LYST: variants seen among roughly 807,000 people sequenced by gnomAD.
LYST encodes lysosomal trafficking regulator.
LYST carries 192 observed loss-of-function variants against 413.6 expected under a neutral mutation model. The observed-to-expected ratio is 0.46, with a 90% CI of 0.41 to 0.52. The LOEUF is 0.52. Among genes scored for constraint, LYST ranks in the 20% least tolerant of loss-of-function variants. The pLI, the probability that LYST is intolerant of heterozygous loss-of-function variation, is 0.00. For missense variants in LYST, 3,815 were observed against 4,499.9 expected (o/e 0.85, Z 4.35); for synonymous variants, 1,525 against 1,567.3 (o/e 0.97, Z 0.64).
rs767819421 is a variant in LYST, at chr1:235,810,379, G to A, written c.439C>T (p.Arg147Cys). The change falls in exon 5 of 53, where the codon CGT becomes TGT. Residue 147 changes from arginine to cysteine, a missense_variant. Transcript: ENST00000389793. ...VNVFRKSRRQ[R>C]KITHRYSVRD... ...ACAGAATAGCGATGGGTAATTTTAC[G>A]CTGTCGTCTGCTTTTTCGAAAAACA... is the stretch of plus-strand genomic sequence containing the variant. 9 of 1,612,954 alleles carry A rather than the reference G, an allele frequency of 5.6e-6. No individual in the cohort carries two copies. Among genetic ancestry groups the A allele is most frequent in the African/African-American group, 2.7e-5 (2 of 74,782 alleles).
chr1:235,759,511 T>C lies in LYST; in HGVS notation c.6342A>G (p.Leu2114=), dbSNP rs1469732120. Reference sequence around the variant, plus strand: ...CAGTCAGTTTTTGTGATTGCGTTAGTAGTGAAGAAGTAGGGAATGCTGGTA... The same window carrying C: ...CAGTCAGTTTTTGTGATTGCGTTAGCAGTGAAGAAGTAGGGAATGCTGGTA... ...RSLPAFPTSS[L]LTQSQKLTGS... is the part of the protein sequence containing the mutation. Residue 2114 remains leucine, a synonymous_variant, in exon 23 of 53, where the codon CTA becomes CTG. Transcript: ENST00000389793. The C allele has an allele frequency of 1.9e-6, 3 of 1,613,980 alleles. No homozygotes were observed. Among genetic ancestry groups the C allele is most frequent in the South Asian group, 2.2e-5 (2 of 91,074 alleles).
Position 235,809,835 on chromosome 1 carries a change from A to G in LYST, c.983T>C (p.Phe328Ser). 1 of 1,613,992 alleles carries G rather than the reference A, an allele frequency of 6.2e-7. No homozygotes were observed. The highest frequency in any genetic ancestry group is 8.5e-7 in the Non-Finnish European group (1 of 1,179,984). Residue 328 changes from phenylalanine (F) to serine (S), a missense_variant, in exon 5 of 53, where the codon TTT becomes TCT. Phe to Ser is a radical substitution (Grantham distance 155). This residue lies in a region of LYST where 1,648 missense variants were observed against 1,810.3 expected (regional missense o/e 0.91). Transcript: ENST00000389793. The surrounding 1 kb of genome is among the most constrained non-coding windows in gnomAD (Gnocchi z 4.0). ...TGACAGAAGATGCAACACTGTTCGA[A>G]AGAGCATCCTTTGAATCAAAGCCAC... Reference protein sequence around the residue: ...EPVALIQRMLFRTVLHLLSVD... With the variant: ...EPVALIQRMLSRTVLHLLSVD...
At chr1:235,682,151 A>AAATTT (rs1418704205) in intron 48 of LYST, among the ~76,000 whole-genome samples, 7 of 152,146 alleles carry the variant, frequency 4.6e-5, no homozygotes, top group Non-Finnish European at 8.8e-5. Context: ...CTCTAGAAAA[A>AAATTT]AATTTAAAAA....
At chr1:235,830,506 G>T in intron 2 of LYST, 82 bp from the exon 3 acceptor site, 2 of 1,096,054 alleles carry the variant, frequency 1.8e-6, no homozygotes, top group Non-Finnish European at 2.7e-6. Flanking sequence ...TTTGTTGTTT[G>T]TTTCTAACTG....
rs1050157745 is a variant in LYST at position 235,777,391 on chromosome 1, A to G, written c.5215-83T>C. ...ACTAGCAAGTAAGTATTTCAAAGTG[A>G]AAACACACTCAACTGATCCTTTTCT... On this transcript the variant is annotated intron_variant, in intron 16 of 52. Coordinates refer to ENST00000389793, the MANE Select transcript of LYST (RefSeq NM_000081.4). The G allele has an allele frequency of 2.1e-5, 24 of 1,147,784 alleles. No individual in the cohort carries two copies. In the South Asian group the frequency reaches 3.1e-4, roughly 15 times the overall value. The allele number at this position is 1,147,784 out of a possible 1,614,324, so 71.1% of individuals were successfully genotyped here. A position where few individuals can be genotyped will look rare whatever the true frequency, so the allele number is the denominator to read the frequency against.
chr1:235,800,503 A>T (rs1029566030), intron 9 of LYST, 117 bp from the exon 10 acceptor site: 1 of 646,690 alleles, frequency 1.5e-6, no homozygotes, highest in Non-Finnish European at 2.7e-6. Context: ...ATATGTATTT[A>T]AAAATGACTA....
At position 235,661,536 on chromosome 1, in the gene LYST, G is replaced by A. The variant is rs1196986127; in HGVS notation, c.*1404C>T. 6.6e-6 allele frequency: 1 copy of A among 152,382 alleles called. No individual in the cohort carries two copies. The highest frequency in any genetic ancestry group is 2.4e-5 in the African/African-American group (1 of 41,444). The allele number at this position is 152,382 out of a possible 1,614,324, so 9.4% of individuals were successfully genotyped here. A position where few individuals can be genotyped will look rare whatever the true frequency, so the allele number is the denominator to read the frequency against. ...CATGTGTATGCAGTTTAAGGTTAAA[G>A]CATACATGGCCACGTGCTTTCTCTC... On this transcript the variant is annotated 3_prime_UTR_variant, in exon 53 of 53. Transcript: ENST00000389793.
upstream of LYST, among the ~76,000 whole-genome samples, chr1:235,868,330 G>A (rs946101621): frequency 6.6e-6 from 1 of 152,070 alleles, no homozygotes; most frequent in Non-Finnish European, 1.5e-5. Flanking sequence ...CCTACAATGC[G>A]CTAAGTATTG....
chr1:235,702,681 G>T, intron 45 of LYST, 66 bp downstream of exon 45: 1 of 1,290,682 alleles, frequency 7.7e-7, no homozygotes, highest in Non-Finnish European at 1.1e-6. Context: ...TCACCTGGGA[G>T]AGTGCCTGGC....
intron 48 of LYST, among the ~76,000 whole-genome samples, chr1:235,680,915 A>G (rs917038616): frequency 6.6e-6 from 1 of 152,146 alleles, no homozygotes. Context: ...TGATTTTCAT[A>G]TTACAGAGAG....
At chr1:235,697,409 ATT>A in intron 45 of LYST, 137 bp from the exon 46 acceptor site, 1 of 641,700 alleles carries the variant, frequency 1.6e-6, no homozygotes, top group Non-Finnish European at 2.7e-6. Context: ...TATTTTACGC[ATT>A]TTTTTTTACT....
chr1:235,664,091 A>G lies in LYST; in HGVS notation c.11196-36T>C, dbSNP rs1268991286. 6.9e-7 allele frequency: 1 copy of G among 1,445,132 alleles called. No individual in the cohort carries two copies. Among genetic ancestry groups the G allele is most frequent in the Admixed American group, 1.7e-5 (1 of 59,802 alleles). 89.5% of individuals were successfully genotyped at this position (1,445,132 alleles called of 1,614,324 possible). A position where few individuals can be genotyped will look rare whatever the true frequency, so the allele number is the denominator to read the frequency against. On this transcript the variant is annotated intron_variant, in intron 51 of 52. Coordinates refer to ENST00000389793, the MANE Select transcript of LYST (RefSeq NM_000081.4). This position sits in a 1 kb window ranked among gnomAD's most constrained non-coding sequence, Gnocchi z 4.5. ...AAAAAATCATCTAATTATGCAAACT[A>G]AAATTACTCTCCCTAAAAAGCCCTC...
chr1:235,697,696 T>C (rs529636642), intron 45 of LYST, among the ~76,000 whole-genome samples: 1 of 152,310 alleles, frequency 6.6e-6, no homozygotes, highest in African/African-American at 2.4e-5. Context: ...CACTCAGCTA[T>C]GAGCTCCTTG....
At chr1:235,719,474 T>A (rs1663145456) in intron 40 of LYST, among the ~76,000 whole-genome samples, 1 of 152,078 alleles carries the variant, frequency 6.6e-6, no homozygotes, top group African/African-American at 2.4e-5. Flanking sequence ...AATAATTGAT[T>A]CAAGCAATAA....
intron 23 of LYST, among the ~76,000 whole-genome samples, chr1:235,758,459 C>T (rs1040293282): frequency 6.6e-6 from 1 of 152,218 alleles, no homozygotes; most frequent in African/African-American, 2.4e-5. Context: ...AGAAGAACTG[C>T]CAATGTTCAG....
At chr1:235,688,519 C>T (rs189699606) in intron 47 of LYST, among the ~76,000 whole-genome samples, 32 of 152,246 alleles carry the variant, frequency 2.1e-4, no homozygotes, top group African/African-American at 6.0e-4. Context: ...TCATTGAACA[C>T]GGTGGAGAAT....
rs780472810 is a variant in LYST, at chr1:235,781,927, C to T, written c.5023G>A (p.Gly1675Arg). ...WDLGNLLLFN[G>R]AKVGSQEAFY... is the part of the protein sequence containing the mutation. ...AGTGGTGCAATCATAGCTCACTCAC[C>T]GTTGAAGAGAAGCAAATTTCCCAGG... Residue 1675 changes from glycine (G) to arginine (R), a missense_variant and splice_region_variant, in exon 15 of 53, where the codon GGA (glycine) becomes AGA (arginine). Coordinates refer to ENST00000389793, the MANE Select transcript of LYST (RefSeq NM_000081.4). The T allele has an allele frequency of 6.2e-7, 1 of 1,605,416 alleles. No individual in the cohort carries two copies. Among genetic ancestry groups the T allele is most frequent in the African/African-American group, 1.3e-5 (1 of 74,846 alleles).
rs767868632 is a variant in LYST at position 235,787,213 on chromosome 1, C to T, written c.4849G>A (p.Val1617Ile). The change falls in exon 14 of 53, where the codon GTC (valine) becomes ATC (isoleucine). Residue 1617 changes from valine to isoleucine, a missense_variant. By Grantham distance (29) the Val-to-Ile change is conservative. Transcript: ENST00000389793. Reference protein sequence around the residue: ...RRIHGKISIWVSGQRKPDVTL... With the variant: ...RRIHGKISIWISGQRKPDVTL... ...AATGCTTCCTACCTCTGTCCAGAGA[C>T]CCATATGGAGATTTTCCCATGAATC... 1.9e-6 allele frequency: 3 copies of T among 1,613,344 alleles called. No homozygotes were observed. Among genetic ancestry groups the T allele is most frequent in the Non-Finnish European group, 2.5e-6 (3 of 1,179,530 alleles).
In LYST at chr1:235,833,650, CT is replaced by C; in HGVS notation, c.-81del. On this transcript the variant is annotated 5_prime_UTR_variant, in exon 2 of 53. Transcript: ENST00000389793. Reference sequence around the variant, plus strand: ...TCATAAACTAGATGAAACAAATATTCTTAGAACAAAGCTTCACCTACAAAAA... The same window carrying C: ...TCATAAACTAGATGAAACAAATATTCTAGAACAAAGCTTCACCTACAAAAA... 1.1e-6 allele frequency: 1 copy of C among 916,090 alleles called. No homozygotes were observed. The highest frequency in any genetic ancestry group is 1.3e-6 in the Non-Finnish European group (1 of 766,782). 56.7% of individuals were successfully genotyped at this position (916,090 alleles called of 1,614,324 possible). A position where few individuals can be genotyped will look rare whatever the true frequency, so the allele number is the denominator to read the frequency against.
Sources: allele counts gnomAD v4.1 joint callset (sites outside exome capture counted in the v4.1 genomes callset), GRCh38; gene constraint gnomAD v4.1.1; regional missense constraint gnomAD v4.1.1; non-coding constraint Gnocchi (gnomAD v3.1); transcripts MANE v1.5; gene names NCBI Gene and HGNC (gene_info 2026-07-23, HGNC 2026-07-21).